Variants in PELP1 observed in about 807,000 individuals in gnomAD.
PELP1 encodes proline, glutamate and leucine rich protein 1.
Under a neutral mutation model 95.5 loss-of-function variants are expected in PELP1, and 32 were observed. The observed-to-expected ratio is 0.34, with a 90% confidence interval of 0.25 to 0.45. The LOEUF is 0.45. Among genes scored for constraint, PELP1 ranks in the 20% least tolerant of loss-of-function variants. The pLI is 1.00. For missense variants in PELP1, 1,358 were observed against 1,444.8 expected (o/e 0.94, Z 0.97); for synonymous variants, 668 against 600.1 (o/e 1.11, Z -1.65).
intron 5 of PELP1, among the ~76,000 whole-genome samples, chr17:4,677,725 T>G (rs1912538363): frequency 1.3e-5 from 2 of 152,024 alleles, no homozygotes; most frequent in Non-Finnish European, 2.9e-5. Context: ...GCCAAGGAGT[T>G]TGAGACCAGT....
chr17:4,687,028 T>C (rs1343637754), intron 3 of PELP1, among the ~76,000 whole-genome samples: 1 of 152,170 alleles, frequency 6.6e-6, no homozygotes, highest in Admixed American at 6.5e-5. Flanking sequence ...ATGCTCCTCT[T>C]CTCTCATGGC....
At chr17:4,691,591 G>A in intron 1 of PELP1, 149 bp from the exon 2 acceptor site, 1 of 647,706 alleles carries the variant, frequency 1.5e-6, no homozygotes, top group South Asian at 1.9e-5. Context: ...TAGAAGCCTT[G>A]AGCTTTTCCC....
At chr17:4,674,014 C>T (rs1912347236) in intron 13 of PELP1, 1 of 359,496 alleles carries the variant, frequency 2.8e-6, no homozygotes, top group Non-Finnish European at 5.2e-6. Context: ...GCACAGTATC[C>T]GACTAGCAAC....
At chr17:4,695,482 C>T (rs959253384) in intron 1 of PELP1, among the ~76,000 whole-genome samples, 2 of 151,312 alleles carry the variant, frequency 1.3e-5, no homozygotes, top group African/African-American at 4.9e-5. Flanking sequence ...CTGGGCAACA[C>T]AGAGAGACAC....
rs773625406 is a variant in PELP1, at chr17:4,671,766, C to T, written c.3225G>A (p.Lys1075=). ...LEEETEDGSD[K]VQPPPETPAE... is the part of the protein sequence containing the mutation. ...CAGGTGTCTCTGGTGGGGGCTGCAC[C>T]TTGTCACTCCCATCCTCAGTCTCCT... The change falls in exon 16 of 17, where the codon AAG becomes AAA. Residue 1075 remains lysine (K), a synonymous_variant. Transcript: ENST00000572293. 2.0e-6 allele frequency: 3 copies of T among 1,521,048 alleles called. No homozygotes were observed. The highest frequency in any genetic ancestry group is 2.6e-6 in the Non-Finnish European group (3 of 1,138,938). The allele number at this position is 1,521,048 out of a possible 1,614,324, so 94.2% of individuals were successfully genotyped here.
At chr17:4,682,335 G>GA (rs1441289136) in intron 5 of PELP1, among the ~76,000 whole-genome samples, 167 bp downstream of exon 5, 1 of 152,188 alleles carries the variant, frequency 6.6e-6, no homozygotes, top group Non-Finnish European at 1.5e-5. Flanking sequence ...TTGGAAAAAC[G>GA]AGGGTTAAAT....
In PELP1 at chr17:4,671,931, A is replaced by G. The variant is rs779427287; in HGVS notation, c.3060T>C (p.Ala1020=). 6.6e-7 allele frequency: 1 copy of G among 1,521,620 alleles called. No homozygotes were observed. The highest frequency in any genetic ancestry group is 2.3e-5 in the East Asian group (1 of 44,108). 94.3% of individuals were successfully genotyped at this position (1,521,620 alleles called of 1,614,324 possible). The change falls in exon 16 of 17, where the codon GCT becomes GCC. Residue 1020 remains alanine (A), a synonymous_variant. Transcript: ENST00000572293. ...EEPGTEEERG[A]DTAPTLAPEA... is the part of the protein sequence containing the mutation. ...CAGGGGCCAGGGTGGGAGCTGTGTCAGCCCCACGCTCCTCCTCCGTCCCTG... is the reference window on the plus strand; with the variant it reads ...CAGGGGCCAGGGTGGGAGCTGTGTCGGCCCCACGCTCCTCCTCCGTCCCTG...
At chr17:4,680,326 G>A (rs574487340) in intron 5 of PELP1, among the ~76,000 whole-genome samples, 1 of 152,282 alleles carries the variant, frequency 6.6e-6, no homozygotes, top group African/African-American at 2.4e-5. Flanking sequence ...CACCCAGGCT[G>A]GAGTACAGTG....
At chr17:4,695,361 G>C (rs1913258929) in intron 1 of PELP1, among the ~76,000 whole-genome samples, 1 of 151,608 alleles carries the variant, frequency 6.6e-6, no homozygotes, top group African/African-American at 2.4e-5. Context: ...TGTATGGTTT[G>C]TGAATTATTT....
Position 4,675,051 on chromosome 17 carries a change from TTCCC to T in PELP1, c.1274+24_1274+27del. The T allele has an allele frequency of 6.2e-7, 1 of 1,611,606 alleles. No homozygotes were observed. The highest frequency in any genetic ancestry group is 8.5e-7 in the Non-Finnish European group (1 of 1,177,880). Reference sequence around the variant, plus strand: ...CCCCCTCACCCCCCTCTCCTCTTTATTCCCTTCCTGCCTTCCTGGATGGTCACCT... The same window carrying T: ...CCCCCTCACCCCCCTCTCCTCTTTATTTCCTGCCTTCCTGGATGGTCACCT... On this transcript the variant is annotated intron_variant, in intron 11 of 16. Transcript: ENST00000572293. The surrounding 1 kb of genome is among the most constrained non-coding windows in gnomAD (Gnocchi z 4.3).
chr17:4,677,042 GC>G lies in PELP1; in HGVS notation c.643-231del, dbSNP rs1229885274. On this transcript the variant is annotated intron_variant, in intron 5 of 16. Transcript: ENST00000572293. ...GGCTTCCTGCTTGGGAGCGAAAAGG[GC>G]CTGGCCCTGTCCCAGAGACAGCTGG... Among the ~76,000 whole-genome samples the G allele has an allele frequency of 2.6e-5, 4 of 152,114 alleles. No homozygotes were observed. The East Asian group carries it at 7.7e-4, about 29-fold the overall frequency.
At position 4,675,162 on chromosome 17, in the gene PELP1, C is replaced by A; in HGVS notation, c.1191G>T (p.Leu397=). Reference sequence around the variant, plus strand: ...GGACCTGGGGAAGCAGGCGGCCGATCAGGATCCCAAAGCGCAAGAGCCGGC... The same window carrying A: ...GGACCTGGGGAAGCAGGCGGCCGATAAGGATCCCAAAGCGCAAGAGCCGGC... The part of the protein sequence containing the change: ...CGSRLLRFGI[L]IGRLLPQVLN... The change falls in exon 11 of 17, where the codon CTG becomes CTT. Residue 397 remains leucine (L), a synonymous_variant. Transcript: ENST00000572293. This position sits in a 1 kb window ranked among gnomAD's most constrained non-coding sequence, Gnocchi z 4.3. 1 of 1,613,874 alleles carries A rather than the reference C, an allele frequency of 6.2e-7. No individual in the cohort carries two copies. Among genetic ancestry groups the A allele is most frequent in the South Asian group, 1.1e-5 (1 of 91,064 alleles).
intron 1 of PELP1, among the ~76,000 whole-genome samples, chr17:4,695,467 C>T (rs1268687597): frequency 1.3e-5 from 2 of 151,784 alleles, no homozygotes. Flanking sequence ...GAGTTCCATA[C>T]CAGCCTGGGC....
intron 5 of PELP1, among the ~76,000 whole-genome samples, chr17:4,679,121 G>A (rs561168818): frequency 1.8e-4 from 28 of 151,906 alleles, no homozygotes; most frequent in East Asian, 1.9e-4. Flanking sequence ...CTGCCTCCCA[G>A]CTTCAGGGGA....
In PELP1 at chr17:4,702,623, A is replaced by G. The variant is rs554488502; in HGVS notation, c.249+1240T>C. ...ACCCTCAATTATGCAGAGTAATGTT[A>G]AAGACAAACAGATAGGGTTATCTGT... On this transcript the variant is annotated intron_variant, in intron 1 of 16. Transcript: ENST00000572293. Among the ~76,000 whole-genome samples, 14 of 152,308 alleles carry G rather than the reference A, an allele frequency of 9.2e-5. No homozygotes were observed. In the South Asian group the frequency reaches 2.9e-3, roughly 32 times the overall value.
In PELP1 at chr17:4,678,876, C is replaced by T. The variant is rs919303910; in HGVS notation, c.643-2064G>A. Among the ~76,000 whole-genome samples, 7 of 152,294 alleles carry T rather than the reference C, an allele frequency of 4.6e-5. No homozygotes were observed. The South Asian group carries it at 1.0e-3, about 23-fold the overall frequency. ...AACAGAAAACACAGACACTTCAAAACGGCAGTTATCAGTTTTCCTAAGTAC... is the reference window on the plus strand; with the variant it reads ...AACAGAAAACACAGACACTTCAAAATGGCAGTTATCAGTTTTCCTAAGTAC... On this transcript the variant is annotated intron_variant, in intron 5 of 16. Transcript: ENST00000572293.
intron 3 of PELP1, among the ~76,000 whole-genome samples, chr17:4,688,226 C>T (rs762634961): frequency 5.3e-5 from 8 of 151,948 alleles, no homozygotes; most frequent in Non-Finnish European, 1.2e-4. Context: ...TCCCGGCTAC[C>T]TGGGAGGCTG....
At chr17:4,701,915 G>T (rs993328869) in intron 1 of PELP1, among the ~76,000 whole-genome samples, 34 of 152,108 alleles carry the variant, frequency 2.2e-4, no homozygotes, top group Admixed American at 6.6e-5. Context: ...AGTAGCACAG[G>T]AAATATTAAA....
intron 1 of PELP1, among the ~76,000 whole-genome samples, chr17:4,692,466 CAA>C (rs11321605): frequency 1.2e-3 from 170 of 147,642 alleles, no homozygotes; most frequent in Admixed American, 1.1e-3. Flanking sequence ...GACTCTGTCT[CAA>C]AAAAAAAAAA....
Sources: gnomAD v4.1 joint callset for allele counts (sites outside exome capture counted in the v4.1 genomes callset) on GRCh38, gnomAD v4.1.1 for gene constraint, Gnocchi (gnomAD v3.1) non-coding constraint, MANE v1.5 for transcripts, NCBI Gene and HGNC (gene_info 2026-07-23, HGNC 2026-07-21) for gene names.